Variants in BTRC observed in about 807,000 individuals in gnomAD.
The protein encoded by BTRC is beta-transducin repeat containing E3 ubiquitin protein ligase.
In BTRC, 42 loss-of-function variants were observed where a neutral mutation model predicts 85.5. The observed-to-expected ratio is 0.49, with a 90% CI of 0.38 to 0.64. The LOEUF (loss-of-function observed/expected upper bound fraction) is 0.64. BTRC is among the 30% of genes least tolerant of loss of function. The pLI is 0.00. For synonymous variants in BTRC, 255 were observed against 263.3 expected, an observed-to-expected ratio of 0.97 and a Z score of 0.30; for missense variants, 594 against 743.5, an observed-to-expected ratio of 0.80 and a Z score of 2.34.
intron 1 of BTRC, among the ~76,000 whole-genome samples, chr10:101,375,740 G>A (rs1029520255): frequency 3.3e-5 from 5 of 152,196 alleles, no homozygotes; most frequent in Admixed American, 2.6e-4. Flanking sequence ...ACCCTGTATA[G>A]GAATTATTTG....
chr10:101,407,562 T>C (rs559600923), intron 1 of BTRC, among the ~76,000 whole-genome samples: 2 of 152,116 alleles, frequency 1.3e-5, no homozygotes, highest in Admixed American at 1.3e-4. Context: ...AGCTAATTTC[T>C]GTATTTTTAG....
chr10:101,477,632 C>T (rs1240836718), intron 3 of BTRC, among the ~76,000 whole-genome samples: 2 of 151,984 alleles, frequency 1.3e-5, no homozygotes, highest in Non-Finnish European at 2.9e-5. Flanking sequence ...TTTTTAAAAT[C>T]CATTTCCTAT....
chr10:101,421,726 G>GT (rs1224862745), intron 1 of BTRC, among the ~76,000 whole-genome samples: 5 of 148,570 alleles, frequency 3.4e-5, no homozygotes, highest in Non-Finnish European at 5.9e-5. Flanking sequence ...GCAGTGTTTG[G>GT]TTTTTTGTCC....
At chr10:101,356,884 A>G (rs1942049578) in intron 1 of BTRC, among the ~76,000 whole-genome samples, 1 of 152,102 alleles carries the variant, frequency 6.6e-6, no homozygotes. Flanking sequence ...GTAATCCAGG[A>G]CTTTGGGAGG....
intron 13 of BTRC, among the ~76,000 whole-genome samples, chr10:101,539,588 T>G (rs1336676703): frequency 1.3e-5 from 2 of 152,254 alleles, no homozygotes; most frequent in African/African-American, 2.4e-5. Context: ...CATTCACTGA[T>G]TGTTTCTCGT....
intron 1 of BTRC, among the ~76,000 whole-genome samples, chr10:101,384,336 C>T (rs1267619752): frequency 6.6e-6 from 1 of 152,216 alleles, no homozygotes; most frequent in African/African-American, 2.4e-5. Flanking sequence ...CAGGCTAAAT[C>T]ACAGCCTTGA....
At chr10:101,536,483 A>G in intron 11 of BTRC, 60 bp from the exon 12 acceptor site, 2 of 1,307,436 alleles carry the variant, frequency 1.5e-6, no homozygotes, top group East Asian at 2.3e-5. Context: ...GTATTGTTAT[A>G]ACATTCCAGG....
At chr10:101,452,238 G>A (rs930923259) in intron 2 of BTRC, among the ~76,000 whole-genome samples, 1 of 152,176 alleles carries the variant, frequency 6.6e-6, no homozygotes, top group African/African-American at 2.4e-5. Flanking sequence ...TAGCATAAAT[G>A]CACAAGGCCC....
intron 2 of BTRC, among the ~76,000 whole-genome samples, chr10:101,452,826 A>G (rs1206800806): frequency 2.6e-5 from 4 of 152,210 alleles, no homozygotes; most frequent in African/African-American, 4.8e-5. Context: ...AATGATAAAC[A>G]TGCTGGAGAA....
intron 13 of BTRC, among the ~76,000 whole-genome samples, chr10:101,547,146 T>G (rs2062570194): frequency 6.6e-6 from 1 of 152,074 alleles, no homozygotes; most frequent in African/African-American, 2.4e-5. Context: ...ATAGTTTCAT[T>G]TACAACAGGT....
intron 1 of BTRC, among the ~76,000 whole-genome samples, chr10:101,414,071 G>A (rs991072070): frequency 1.3e-5 from 2 of 152,156 alleles, no homozygotes; most frequent in Non-Finnish European, 2.9e-5. Flanking sequence ...CCAGTCTTCA[G>A]AACTTTTTCC....
intron 2 of BTRC, among the ~76,000 whole-genome samples, chr10:101,452,282 T>A (rs1944972550): frequency 6.6e-6 from 1 of 152,198 alleles, no homozygotes; most frequent in Admixed American, 6.5e-5. Flanking sequence ...TTATTTCTCT[T>A]TGCTACTGAT....
At chr10:101,379,221 G>A (rs975009261) in intron 1 of BTRC, among the ~76,000 whole-genome samples, 2 of 152,132 alleles carry the variant, frequency 1.3e-5, no homozygotes, top group Non-Finnish European at 2.9e-5. Context: ...GTAGGTATGG[G>A]TCACCTTTGA....
intron 1 of BTRC, among the ~76,000 whole-genome samples, chr10:101,408,494 A>G (rs1448549345): frequency 1.3e-5 from 2 of 152,106 alleles, no homozygotes; most frequent in East Asian, 1.9e-4. Flanking sequence ...TTTTACAGAG[A>G]CAGAGTTTTG....
intron 13 of BTRC, among the ~76,000 whole-genome samples, chr10:101,539,484 C>G (rs530147228): frequency 4.6e-5 from 7 of 152,172 alleles, no homozygotes; most frequent in African/African-American, 1.7e-4. Flanking sequence ...GTCACCCAGG[C>G]TATAGTGAAG....
At chr10:101,384,397 G>T (rs1448999387) in intron 1 of BTRC, among the ~76,000 whole-genome samples, 1 of 152,206 alleles carries the variant, frequency 6.6e-6, no homozygotes, top group African/African-American at 2.4e-5. Flanking sequence ...CCTGATTAGT[G>T]CCAGTACGTG....
At chr10:101,460,922 A>G (rs1945207050) in intron 2 of BTRC, among the ~76,000 whole-genome samples, 2 of 152,210 alleles carry the variant, frequency 1.3e-5, no homozygotes, top group Admixed American at 6.5e-5. Context: ...TGTTGTTTTG[A>G]GACGGAACCT....
chr10:101,462,016 A>C lies in BTRC; in HGVS notation c.192A>C (p.Glu64Asp). The change falls in exon 3 of 15, where the codon GAA becomes GAC. Residue 64 changes from glutamate to aspartate, a missense_variant. Glu to Asp is a conservative substitution (Grantham distance 45, BLOSUM62 2). Around this residue, in one of 4 missense-constraint regions of BTRC, gnomAD observed 163 missense variants for 180.5 expected, o/e 0.90. Transcript: ENST00000370187. ...SSEREDCNNG[E>D]PPRKIIPEKN... ...AGAGAGAAGACTGTAATAATGGCGA[A>C]CCCCCTAGGAAGATAATACCAGAGA... 1 of 1,612,460 alleles carries C rather than the reference A, an allele frequency of 6.2e-7. No homozygotes were observed. The highest frequency in any genetic ancestry group is 8.5e-7 in the Non-Finnish European group (1 of 1,178,898).
intron 1 of BTRC, among the ~76,000 whole-genome samples, chr10:101,366,264 T>TA (rs962977943): frequency 4.6e-4 from 69 of 151,600 alleles, no homozygotes; most frequent in African/African-American, 1.3e-3. Context: ...TGTAATTTGA[T>TA]AAAAAATGTG....
Sources: allele counts gnomAD v4.1 joint callset (sites outside exome capture counted in the v4.1 genomes callset), GRCh38; gene constraint gnomAD v4.1.1; regional missense constraint gnomAD v4.1.1; transcripts MANE v1.5; gene names NCBI Gene and HGNC (gene_info 2026-07-23, HGNC 2026-07-21).